Variants in NEMP2 observed in about 807,000 individuals in gnomAD.
NEMP2 encodes nuclear envelope integral membrane protein 2.
In NEMP2, 53 loss-of-function variants were observed where a neutral mutation model predicts 54.2. The observed-to-expected ratio is 0.98, with a 90% CI of 0.78 to 1.23. The LOEUF (loss-of-function observed/expected upper bound fraction) is 1.23, where lower values mean the gene tolerates loss of function less well. NEMP2 is among the 50% of genes most tolerant of loss of function. The pLI is 0.00. For synonymous variants in NEMP2, 197 were observed against 190.3 expected, an observed-to-expected ratio of 1.04 and a Z score of -0.29; for missense variants, 455 against 511.3, an observed-to-expected ratio of 0.89 and a Z score of 1.06.
At chr2:190,568,802 A>G in the NEMP2 span, among the ~76,000 whole-genome samples, 1 of 152,230 alleles carries the variant, frequency 6.6e-6, no homozygotes, top group African/African-American at 2.4e-5. This position sits in a 1 kb window ranked among gnomAD's most constrained non-coding sequence, Gnocchi z 4.7. Flanking sequence ...AACCTGAGCA[A>G]CAAGAGCAAA....
the NEMP2 span, among the ~76,000 whole-genome samples, chr2:190,643,592 C>T: frequency 1.0e-3 from 152 of 152,224 alleles, 1 homozygote; most frequent in African/African-American, 2.6e-3. Context: ...AGCGCTGTTG[C>T]GAGGATCAGA....
the NEMP2 span, chr2:190,620,352 G>A: frequency 4.6e-5 from 7 of 152,276 alleles, no homozygotes; most frequent in East Asian, 7.7e-4. The surrounding 1 kb of genome is among the most constrained non-coding windows in gnomAD (Gnocchi z 4.9). Flanking sequence ...GGGAGATATG[G>A]AAGAATGCTC....
chr2:190,537,715 G>A (rs988306289), upstream of NEMP2, among the ~76,000 whole-genome samples: 3 of 152,178 alleles, frequency 2.0e-5, no homozygotes, highest in East Asian at 1.9e-4. Context: ...GCAGCCTGAC[G>A]ATGCAATAGA....
At chr2:190,462,764 T>G in the NEMP2 span, among the ~76,000 whole-genome samples, 1 of 152,134 alleles carries the variant, frequency 6.6e-6, no homozygotes, top group Non-Finnish European at 1.5e-5. This position sits in a 1 kb window ranked among gnomAD's most constrained non-coding sequence, Gnocchi z 5.7. Flanking sequence ...CCAAGTCATA[T>G]CTTGGAAAAA....
chr2:190,469,142 A>G, the NEMP2 span, among the ~76,000 whole-genome samples: 4 of 152,202 alleles, frequency 2.6e-5, no homozygotes, highest in Admixed American at 1.3e-4. This position sits in a 1 kb window ranked among gnomAD's most constrained non-coding sequence, Gnocchi z 5.3. Context: ...ATATGATACC[A>G]TGAATTTTTT....
the NEMP2 span, among the ~76,000 whole-genome samples, chr2:190,599,275 G>T: frequency 1.3e-5 from 2 of 152,150 alleles, no homozygotes; most frequent in African/African-American, 4.8e-5. Flanking sequence ...ATGACTCAAA[G>T]ATGTGGTGAG....
the NEMP2 span, among the ~76,000 whole-genome samples, chr2:190,616,483 C>T: frequency 6.6e-6 from 1 of 152,154 alleles, no homozygotes; most frequent in Non-Finnish European, 1.5e-5. The surrounding 1 kb of genome is among the most constrained non-coding windows in gnomAD (Gnocchi z 5.1). Flanking sequence ...TGTATTAAAA[C>T]TAAATTTTTC....
chr2:190,611,431 TTTGACCA>T, the NEMP2 span, among the ~76,000 whole-genome samples: 1 of 152,238 alleles, frequency 6.6e-6, no homozygotes, highest in Non-Finnish European at 1.5e-5. This position sits in a 1 kb window ranked among gnomAD's most constrained non-coding sequence, Gnocchi z 5.4. Context: ...AATTTTAATG[TTTGACCA>T]TAAGGTAAGA....
At chr2:190,482,303 T>C in the NEMP2 span, among the ~76,000 whole-genome samples, 1 of 152,192 alleles carries the variant, frequency 6.6e-6, no homozygotes, top group Non-Finnish European at 1.5e-5. Context: ...ATTTCCAATA[T>C]AGACTTTTTC....
chr2:190,580,196 T>G, the NEMP2 span, among the ~76,000 whole-genome samples: 1 of 152,152 alleles, frequency 6.6e-6, no homozygotes, highest in African/African-American at 2.4e-5. The surrounding 1 kb of genome is among the most constrained non-coding windows in gnomAD (Gnocchi z 5.3). Flanking sequence ...GATAGGAAAC[T>G]CTAGGTACCC....
At chr2:190,567,380 A>G in the NEMP2 span, among the ~76,000 whole-genome samples, 1 of 152,088 alleles carries the variant, frequency 6.6e-6, no homozygotes, top group Non-Finnish European at 1.5e-5. The surrounding 1 kb of genome is among the most constrained non-coding windows in gnomAD (Gnocchi z 4.0). Flanking sequence ...ATACAAGAAA[A>G]GTTCCCAGAA....
At chr2:190,535,341 G>C (rs945499304), upstream of NEMP2, among the ~76,000 whole-genome samples, 1 of 152,050 alleles carries the variant, frequency 6.6e-6, no homozygotes, top group East Asian at 1.9e-4. Context: ...CTCGTAAAAT[G>C]TTCCTTCACC....
chr2:190,437,320 C>T, the NEMP2 span: 1 of 1,614,142 alleles, frequency 6.2e-7, no homozygotes, highest in African/African-American at 1.3e-5. This position sits in a 1 kb window ranked among gnomAD's most constrained non-coding sequence, Gnocchi z 5.9. Context: ...AAGCCACTCG[C>T]AGGCCTTCAA....
At chr2:190,517,149 C>G (rs1340171511) in intron 5 of NEMP2, among the ~76,000 whole-genome samples, 1 of 149,220 alleles carries the variant, frequency 6.7e-6, no homozygotes. Flanking sequence ...TAAAGAAATT[C>G]CCAGATGTAG....
chr2:190,605,516 A>G, the NEMP2 span, among the ~76,000 whole-genome samples: 16 of 152,150 alleles, frequency 1.1e-4, no homozygotes, highest in Admixed American at 3.3e-4. Context: ...CTGGGACTAC[A>G]GGCCCCCACC....
At chr2:190,619,171 G>A in the NEMP2 span, among the ~76,000 whole-genome samples, 3 of 152,050 alleles carry the variant, frequency 2.0e-5, no homozygotes, top group Admixed American at 1.3e-4. This position sits in a 1 kb window ranked among gnomAD's most constrained non-coding sequence, Gnocchi z 5.5. Context: ...TTGAGCCCAG[G>A]AATTTGAGAC....
At chr2:190,609,878 G>A in the NEMP2 span, 1 of 152,162 alleles carries the variant, frequency 6.6e-6, no homozygotes, top group Non-Finnish European at 1.5e-5. This position sits in a 1 kb window ranked among gnomAD's most constrained non-coding sequence, Gnocchi z 4.7. Context: ...TCTATTTCGG[G>A]GGCCTAGAAT....
At chr2:190,607,096 G>A in the NEMP2 span, among the ~76,000 whole-genome samples, 1 of 152,144 alleles carries the variant, frequency 6.6e-6, no homozygotes, top group African/African-American at 2.4e-5. The surrounding 1 kb of genome is among the most constrained non-coding windows in gnomAD (Gnocchi z 5.2). Context: ...GGGTGCTGAA[G>A]GCAAGTTTCC....
the NEMP2 span, among the ~76,000 whole-genome samples, chr2:190,444,625 T>C: frequency 4.7e-4 from 71 of 152,344 alleles, 1 homozygote; most frequent in Middle Eastern, 0.017. Context: ...GTGTTTTTCA[T>C]TTATTATATA....
Sources: allele counts gnomAD v4.1 joint callset (sites outside exome capture counted in the v4.1 genomes callset), GRCh38; gene constraint gnomAD v4.1.1; non-coding constraint Gnocchi (gnomAD v3.1); transcripts MANE v1.5; gene names NCBI Gene and HGNC (gene_info 2026-07-23, HGNC 2026-07-21).